Variants in RPTOR observed in about 807,000 individuals in gnomAD.
RPTOR encodes regulatory associated protein of MTOR complex 1.
Under a neutral mutation model 169.9 loss-of-function variants are expected in RPTOR, and 21 were observed. That is an observed-to-expected ratio of 0.12 (90% confidence interval 0.09 to 0.18). RPTOR has a LOEUF of 0.18. RPTOR is among the 10% of genes least tolerant of loss of function. The pLI, the probability that RPTOR is intolerant of heterozygous loss-of-function variation, is 1.00. For synonymous variants in RPTOR, 732 were observed against 753.2 expected, an observed-to-expected ratio of 0.97 and a Z score of 0.46; for missense variants, 1,133 against 1,855.9, an observed-to-expected ratio of 0.61 and a Z score of 7.16.
At position 80,947,424 on chromosome 17, in the gene RPTOR, A is replaced by G; in HGVS notation, c.3265+73A>G. 6.9e-7 allele frequency: 1 copy of G among 1,452,844 alleles called. No homozygotes were observed. 90.0% of individuals were successfully genotyped at this position (1,452,844 alleles called of 1,614,324 possible). A position where few individuals can be genotyped will look rare whatever the true frequency, so the allele number is the denominator to read the frequency against. The stretch of plus-strand genomic sequence containing the variant: ...GTGGCGGGGAGGGTGTGTGATCCTG[A>G]GATGTGTTTGTACATCTGTCTTACA... On this transcript the variant is annotated intron_variant, in intron 27 of 33. Coordinates refer to ENST00000306801, the MANE Select transcript of RPTOR (RefSeq NM_020761.3). This position sits in a 1 kb window ranked among gnomAD's most constrained non-coding sequence, Gnocchi z 4.4.
intron 3 of RPTOR, among the ~76,000 whole-genome samples, chr17:80,649,863 C>A (rs2065625959): frequency 6.6e-6 from 1 of 152,228 alleles, no homozygotes; most frequent in African/African-American, 2.4e-5. Context: ...TGCTCTTCAG[C>A]CAGAAGCCTT....
intron 3 of RPTOR, among the ~76,000 whole-genome samples, chr17:80,665,786 C>A (rs1318763062): frequency 6.6e-6 from 1 of 152,036 alleles, no homozygotes; most frequent in African/African-American, 2.4e-5. Context: ...ACCTCGTGAT[C>A]CGCCCACTTT....
intron 4 of RPTOR, among the ~76,000 whole-genome samples, chr17:80,717,384 A>C (rs1256186974): frequency 6.6e-6 from 1 of 152,228 alleles, no homozygotes; most frequent in Non-Finnish European, 1.5e-5. Flanking sequence ...ATGGTAATTC[A>C]ATGTTCACTG....
intron 10 of RPTOR, among the ~76,000 whole-genome samples, chr17:80,843,514 G>A (rs867644017): frequency 1.3e-5 from 2 of 151,942 alleles, no homozygotes; most frequent in African/African-American, 4.8e-5. Flanking sequence ...GACTTTCTTA[G>A]GGGTGTTAAA....
intron 3 of RPTOR, among the ~76,000 whole-genome samples, chr17:80,667,416 G>T (rs923339605): frequency 6.6e-6 from 1 of 152,228 alleles, no homozygotes; most frequent in Non-Finnish European, 1.5e-5. Flanking sequence ...ACAGGTGTTT[G>T]AGTGGATACA....
At chr17:80,594,641 C>T (rs1479073803) in intron 1 of RPTOR, among the ~76,000 whole-genome samples, 6 of 152,190 alleles carry the variant, frequency 3.9e-5, no homozygotes, top group Admixed American at 3.9e-4. Flanking sequence ...AGGCTGTGAG[C>T]ACAGCACAAG....
intron 7 of RPTOR, 57 bp from the exon 8 acceptor site, chr17:80,822,144 C>G: frequency 6.5e-7 from 1 of 1,540,942 alleles, no homozygotes; most frequent in South Asian, 1.1e-5. Flanking sequence ...AACCTCTCTT[C>G]CATTCCCTGC....
intron 9 of RPTOR, among the ~76,000 whole-genome samples, chr17:80,831,460 C>T (rs971357771): frequency 5.9e-5 from 9 of 152,350 alleles, no homozygotes; most frequent in South Asian, 2.1e-4. Context: ...GTCCTTAACA[C>T]GAGTGAGTTT....
At chr17:80,879,480 A>T (rs1038374842) in intron 13 of RPTOR, among the ~76,000 whole-genome samples, 1 of 146,358 alleles carries the variant, frequency 6.8e-6, no homozygotes, top group African/African-American at 2.5e-5. Flanking sequence ...TCCTAGCAGC[A>T]GGAGTCTTTT....
intron 9 of RPTOR, among the ~76,000 whole-genome samples, chr17:80,828,370 A>T (rs1174274053): frequency 6.6e-6 from 1 of 152,116 alleles, no homozygotes; most frequent in Non-Finnish European, 1.5e-5. Context: ...CATCCCACCT[A>T]CAGAACAGAG....
intron 5 of RPTOR, among the ~76,000 whole-genome samples, chr17:80,733,291 T>C (rs2066407293): frequency 6.6e-6 from 1 of 152,260 alleles, no homozygotes; most frequent in South Asian, 2.1e-4. Flanking sequence ...TTGTGTCATA[T>C]TTCTTTGTAA....
chr17:80,876,787 C>T (rs2068121807), intron 13 of RPTOR, among the ~76,000 whole-genome samples: 4 of 130,282 alleles, frequency 3.1e-5, no homozygotes, highest in East Asian at 2.4e-4. Context: ...GGTCTTCCAC[C>T]GAGCCCGTGC....
At chr17:80,629,332 T>G (rs1463654770) in intron 2 of RPTOR, among the ~76,000 whole-genome samples, 1 of 151,572 alleles carries the variant, frequency 6.6e-6, no homozygotes, top group Non-Finnish European at 1.5e-5. Flanking sequence ...CAGCTCTCTA[T>G]GTATTGTGTC....
At chr17:80,853,843 T>C (rs948589482) in intron 11 of RPTOR, among the ~76,000 whole-genome samples, 3 of 152,074 alleles carry the variant, frequency 2.0e-5, no homozygotes, top group Non-Finnish European at 4.4e-5. Flanking sequence ...TAGCCGGTCA[T>C]GGTGGCAGGC....
chr17:80,854,869 G>T lies in RPTOR; in HGVS notation c.1315-595G>T, dbSNP rs578090977. On this transcript the variant is annotated intron_variant, in intron 11 of 33. Coordinates refer to ENST00000306801, the MANE Select transcript of RPTOR (RefSeq NM_020761.3). ...GATCTGGCATCTATACTCTAGCTTGGGCAACAGAGCAAGACCCTATCTCAA... is the reference window on the plus strand; with the variant it reads ...GATCTGGCATCTATACTCTAGCTTGTGCAACAGAGCAAGACCCTATCTCAA... Among the ~76,000 whole-genome samples, 9 of 152,218 alleles carry T rather than the reference G, an allele frequency of 5.9e-5. No individual in the cohort carries two copies. In the South Asian group the frequency reaches 1.9e-3, roughly 32 times the overall value.
At position 80,949,606 on chromosome 17, in the gene RPTOR, C is replaced by A; in HGVS notation, c.3370+59C>A. On this transcript the variant is annotated intron_variant, in intron 28 of 33. Coordinates refer to ENST00000306801, the MANE Select transcript of RPTOR (RefSeq NM_020761.3). ...GTGTTCCCGGGGCTGCGGACGCACT[C>A]GGAATTCCAAGGCCCTTCTGGGGCT... 4 of 1,432,008 alleles carry A rather than the reference C, an allele frequency of 2.8e-6. No homozygotes were observed. In the South Asian group the frequency reaches 4.6e-5, roughly 16 times the overall value. 88.7% of individuals were successfully genotyped at this position (1,432,008 alleles called of 1,614,324 possible).
chr17:80,827,449 G>A (rs1250511959), intron 9 of RPTOR, among the ~76,000 whole-genome samples: 2 of 152,242 alleles, frequency 1.3e-5, no homozygotes, highest in African/African-American at 4.8e-5. Context: ...CCACCAGTGG[G>A]GTCCTTAGCT....
intron 2 of RPTOR, among the ~76,000 whole-genome samples, chr17:80,640,796 ACTCC>A (rs72084982): frequency 0.31 from 46,294 of 151,222 alleles, 7,147 homozygotes; most frequent in Middle Eastern, 0.37. Context: ...TTGAATGGGA[ACTCC>A]CTCCCTTCTT....
At chr17:80,822,982 C>T in intron 8 of RPTOR, 97 bp from the exon 9 acceptor site, 7 of 1,401,754 alleles carry the variant, frequency 5.0e-6, no homozygotes, top group Middle Eastern at 3.7e-4. Context: ...TTAGTCCCAA[C>T]TTTAGTAATT....
Sources: allele counts gnomAD v4.1 joint callset (sites outside exome capture counted in the v4.1 genomes callset), GRCh38; gene constraint gnomAD v4.1.1; non-coding constraint Gnocchi (gnomAD v3.1); transcripts MANE v1.5; gene names NCBI Gene and HGNC (gene_info 2026-07-23, HGNC 2026-07-21).